The following CDC42 variants were observed in gnomAD, a reference collection of about 807,000 sequenced individuals.
CDC42 encodes cell division cycle 42.
A neutral mutation model predicts 20.8 loss-of-function variants in CDC42; 1 was observed. The ratio of observed to expected loss-of-function variants is 0.05; its 90% CI spans 0.02 to 0.23. The LOEUF is 0.23. Ranked by LOEUF, CDC42 falls within the 10% of genes least tolerant of loss-of-function variation. The pLI is 1.00. For missense variants in CDC42, 49 were observed against 227.9 expected (o/e 0.21, Z 5.05); for synonymous variants, 72 against 84.8 (o/e 0.85, Z 0.83).
At chr1:22,060,788 CACTT>C (rs1281439730) in intron 1 of CDC42, among the ~76,000 whole-genome samples, 2 of 152,170 alleles carry the variant, frequency 1.3e-5, no homozygotes, top group Admixed American at 6.6e-5. Flanking sequence ...ACATTCATAT[CACTT>C]GCTTGCCTAA....
intron 3 of CDC42, among the ~76,000 whole-genome samples, chr1:22,085,323 C>T (rs1329851572): frequency 6.6e-6 from 1 of 151,866 alleles, no homozygotes; most frequent in Admixed American, 6.6e-5. Flanking sequence ...TATATATCTC[C>T]CTATGCCAAT....
At chr1:22,073,128 A>G (rs931220560) in intron 1 of CDC42, among the ~76,000 whole-genome samples, 46 of 152,310 alleles carry the variant, frequency 3.0e-4, no homozygotes, top group African/African-American at 1.0e-3. Context: ...GCCAATCATA[A>G]TGATACCATA....
rs2865179 is a variant in CDC42 at position 22,099,516 on chromosome 1, T to C, written c.*7999T>C. 0.94 allele frequency among the ~76,000 whole-genome samples: 142,642 copies of C among 152,284 alleles called. 66,949 individuals are homozygous for C. Among genetic ancestry groups the C allele is most frequent in the East Asian group, 1 (5,169 of 5,172 alleles). On this transcript the variant is annotated 3_prime_UTR_variant, in exon 6 of 6. Transcript: ENST00000656825. ...TGTGCTTACCATTACATATCTTATG[T>C]GGAAATAAAATGTATATGATTAATT...
chr1:22,078,906 A>AG (rs1250921481), intron 2 of CDC42: 1 of 1,061,432 alleles, frequency 9.4e-7, no homozygotes, highest in African/African-American at 2.0e-5. Context: ...TTTTTTTTTG[A>AG]TATTTTGGCC....
chr1:22,086,364 C>A, intron 3 of CDC42, 75 bp from the exon 4 acceptor site: 1 of 922,870 alleles, frequency 1.1e-6, no homozygotes, highest in Non-Finnish European at 1.7e-6. Flanking sequence ...TGAGTAATGA[C>A]CAGCATGCTT....
chr1:22,057,962 C>T (rs961129365), intron 1 of CDC42, among the ~76,000 whole-genome samples: 3 of 151,802 alleles, frequency 2.0e-5, no homozygotes, highest in East Asian at 1.9e-4. Context: ...CCTGACCTCA[C>T]GTGATCTGCC....
At position 22,097,725 on chromosome 1, in the gene CDC42, G is replaced by T. The variant is rs1645766870; in HGVS notation, c.*6208G>T. Among the ~76,000 whole-genome samples the T allele has an allele frequency of 6.6e-6, 1 of 152,222 alleles. No individual in the cohort carries two copies. The highest frequency in any genetic ancestry group is 2.4e-5 in the African/African-American group (1 of 41,452). On this transcript the variant is annotated 3_prime_UTR_variant, in exon 6 of 6. Transcript: ENST00000656825. ...GAAGTTAGACACTTGCCTCTTAGAG[G>T]CATATCCAGTGAGTCTTTAAAGCCC... is the stretch of plus-strand genomic sequence containing the variant.
chr1:22,078,874 G>T, intron 2 of CDC42: 1 of 1,261,328 alleles, frequency 7.9e-7, no homozygotes. Flanking sequence ...CCTACATCTT[G>T]GAATGAGGTG....
rs567317063 is a variant in CDC42, at chr1:22,096,697, A to G, written c.*5180A>G. ...TGCAGGTGGTCAGTTGGAACCCCTGATGGGTATCTGGGCCACTGCCCAGGC... is the reference window on the plus strand; with the variant it reads ...TGCAGGTGGTCAGTTGGAACCCCTGGTGGGTATCTGGGCCACTGCCCAGGC... On this transcript the variant is annotated 3_prime_UTR_variant, in exon 6 of 6. Coordinates refer to ENST00000656825, the MANE Select transcript of CDC42 (RefSeq NM_001791.4). Among the ~76,000 whole-genome samples, 1 of 152,342 alleles carries G rather than the reference A, an allele frequency of 6.6e-6. No individual in the cohort carries two copies. Among genetic ancestry groups the G allele is most frequent in the Admixed American group, 6.5e-5 (1 of 15,300 alleles).
intron 3 of CDC42, among the ~76,000 whole-genome samples, chr1:22,085,364 A>C (rs1645651995): frequency 6.6e-6 from 1 of 152,132 alleles, no homozygotes; most frequent in South Asian, 2.1e-4. Context: ...GTAGCCTTGT[A>C]GTAAGTTTTG....
At chr1:22,068,017 C>T (rs1013530572) in intron 1 of CDC42, among the ~76,000 whole-genome samples, 15 of 151,980 alleles carry the variant, frequency 9.9e-5, no homozygotes, top group South Asian at 2.1e-4. Context: ...GGAAGGTTGA[C>T]GCTGCAGTGA....
At position 22,099,901 on chromosome 1, in the gene CDC42, CCAAGAATTCAGAGCTAGCTTGT is replaced by C; in HGVS notation, c.*8386_*8407del. 2.0e-3 allele frequency among the ~76,000 whole-genome samples: 2 copies of C among 1,018 alleles called. No homozygotes were observed. The highest frequency in any genetic ancestry group is 0.022 in the Admixed American group (2 of 92). The allele number at this position is 1,018 out of a possible 152,430, so 0.7% of individuals were successfully genotyped here. On this transcript the variant is annotated 3_prime_UTR_variant, in exon 6 of 6. Coordinates refer to ENST00000656825, the MANE Select transcript of CDC42 (RefSeq NM_001791.4). ...AGGCATGTTATGATACAAAGCTTGT[CCAAGAATTCAGAGCTAGCTTGT>C]CCAAGAATTCAGAGCTAGTAAGTGA...
chr1:22,065,196 C>T (rs1485227171), intron 1 of CDC42, among the ~76,000 whole-genome samples: 1 of 152,170 alleles, frequency 6.6e-6, no homozygotes, highest in Non-Finnish European at 1.5e-5. Context: ...AAAGCATATG[C>T]CCTTTACTGC....
chr1:22,063,731 T>A (rs1190484107), intron 1 of CDC42, among the ~76,000 whole-genome samples: 1 of 152,230 alleles, frequency 6.6e-6, no homozygotes, highest in Non-Finnish European at 1.5e-5. Context: ...TCACAACTTT[T>A]TTTTTTGAGA....
At chr1:22,076,816 A>G (rs577703941) in intron 1 of CDC42, among the ~76,000 whole-genome samples, 17 of 152,168 alleles carry the variant, frequency 1.1e-4, no homozygotes, top group African/African-American at 4.1e-4. Flanking sequence ...AGGAGAAGGA[A>G]AAAGGAGATA....
chr1:22,095,463 G>A lies in CDC42; in HGVS notation c.*3946G>A, dbSNP rs1645750053. Reference sequence around the variant, plus strand: ...GTTTTGTATTTTTAGTAGAGATAGGGTTTCACCATGTTAGCCAGGATGGTC... The same window carrying A: ...GTTTTGTATTTTTAGTAGAGATAGGATTTCACCATGTTAGCCAGGATGGTC... On this transcript the variant is annotated 3_prime_UTR_variant, in exon 6 of 6. Transcript: ENST00000656825. Among the ~76,000 whole-genome samples the A allele has an allele frequency of 6.6e-6, 1 of 152,014 alleles. No individual in the cohort carries two copies.
chr1:22,054,815 C>T (rs995267453), intron 1 of CDC42, among the ~76,000 whole-genome samples: 3 of 139,496 alleles, frequency 2.2e-5, no homozygotes, highest in African/African-American at 5.5e-5. Flanking sequence ...TTTTCTTGAG[C>T]TTTCTATTTT....
chr1:22,078,775 G>T (rs927977264), intron 2 of CDC42, 192 bp downstream of exon 2: 1 of 1,476,314 alleles, frequency 6.8e-7, no homozygotes, highest in East Asian at 2.8e-5. Flanking sequence ...GTCAGAAGGG[G>T]TGACACAGGG....
intron 1 of CDC42, among the ~76,000 whole-genome samples, chr1:22,055,495 T>A (rs1376930237): frequency 6.6e-6 from 1 of 151,362 alleles, no homozygotes; most frequent in Non-Finnish European, 1.5e-5. Flanking sequence ...TGGTGATTTT[T>A]TTTTTTTTTT....
Sources: allele counts gnomAD v4.1 joint callset (sites outside exome capture counted in the v4.1 genomes callset), GRCh38; gene constraint gnomAD v4.1.1; transcripts MANE v1.5; gene names NCBI Gene and HGNC (gene_info 2026-07-23, HGNC 2026-07-21).